LRFN5: variants seen among roughly 807,000 people sequenced by gnomAD.
LRFN5 encodes the protein leucine-rich repeat and fibronectin type-III domain-containing protein 5.
A neutral mutation model predicts 45.6 loss-of-function variants in LRFN5; 24 were observed. The ratio of observed to expected loss-of-function variants is 0.53; its 90% CI spans 0.38 to 0.74. LRFN5 has a LOEUF of 0.74. Among genes scored for constraint, LRFN5 ranks in the 30% least tolerant of loss-of-function variants. The pLI is 0.00. For synonymous variants in LRFN5, 340 were observed against 313.8 expected, an observed-to-expected ratio of 1.08 and a Z score of -0.88; for missense variants, 776 against 861.5, an observed-to-expected ratio of 0.90 and a Z score of 1.24.
chr14:41,666,629 A>G (rs1880912304), intron 1 of LRFN5, among the ~76,000 whole-genome samples: 1 of 152,156 alleles, frequency 6.6e-6, no homozygotes, highest in East Asian at 1.9e-4. Context: ...AACATTTTAT[A>G]CTTGGATTTC....
At chr14:41,657,992 G>T (rs575256583) in intron 1 of LRFN5, among the ~76,000 whole-genome samples, 66 of 151,152 alleles carry the variant, frequency 4.4e-4, no homozygotes, top group Non-Finnish European at 8.4e-4. Flanking sequence ...AAATTCATGT[G>T]TATTCTACCT....
chr14:41,799,691 G>T (rs1432450098), intron 2 of LRFN5, among the ~76,000 whole-genome samples: 1 of 151,862 alleles, frequency 6.6e-6, no homozygotes, highest in Non-Finnish European at 1.5e-5. Flanking sequence ...TTTCTGAATT[G>T]ATTTACTGTC....
chr14:41,815,414 T>C (rs1335769825), intron 2 of LRFN5, among the ~76,000 whole-genome samples: 2 of 152,160 alleles, frequency 1.3e-5, no homozygotes, highest in East Asian at 3.8e-4. Flanking sequence ...TATTTACTTT[T>C]AATCTTCACC....
At chr14:41,726,904 G>T (rs1597048) in intron 1 of LRFN5, among the ~76,000 whole-genome samples, 51,276 of 151,990 alleles carry the variant, frequency 0.34, 8,837 homozygotes, top group South Asian at 0.42. Flanking sequence ...GTAATTGTAT[G>T]TATATATTAA....
intron 1 of LRFN5, among the ~76,000 whole-genome samples, chr14:41,618,512 G>A (rs1344988686): frequency 2.0e-5 from 3 of 152,152 alleles, no homozygotes; most frequent in East Asian, 3.9e-4. Context: ...GGCCAGACAC[G>A]CAGATGAGGC....
At chr14:41,724,254 G>A (rs1420698383) in intron 1 of LRFN5, among the ~76,000 whole-genome samples, 3 of 151,996 alleles carry the variant, frequency 2.0e-5, no homozygotes, top group African/African-American at 7.3e-5. Flanking sequence ...TTTTCAAGTG[G>A]CATGCTAAAA....
chr14:41,699,094 T>C (rs1386084386), intron 1 of LRFN5, among the ~76,000 whole-genome samples: 1 of 152,106 alleles, frequency 6.6e-6, no homozygotes, highest in African/African-American at 2.4e-5. Context: ...AGAATTTTTT[T>C]TCATTTTTAC....
intron 2 of LRFN5, among the ~76,000 whole-genome samples, chr14:41,839,028 T>A (rs1169310880): frequency 6.6e-6 from 1 of 152,174 alleles, no homozygotes; most frequent in Non-Finnish European, 1.5e-5. Context: ...TTCTATTGCT[T>A]CAGGTTACAA....
chr14:41,884,679 C>T (rs1042202096), intron 2 of LRFN5, among the ~76,000 whole-genome samples: 1 of 152,084 alleles, frequency 6.6e-6, no homozygotes, highest in Non-Finnish European at 1.5e-5. Flanking sequence ...TTAACGATCT[C>T]CACCTGGCAG....
chr14:41,607,261 A>G lies in LRFN5; in HGVS notation c.-1498A>G, dbSNP rs1887523189. Among the ~76,000 whole-genome samples, 1 of 152,064 alleles carries G rather than the reference A, an allele frequency of 6.6e-6. No homozygotes were observed. The highest frequency in any genetic ancestry group is 1.5e-5 in the Non-Finnish European group (1 of 68,000). On this transcript the variant is annotated 5_prime_UTR_variant, in exon 1 of 6. Transcript: ENST00000298119. ...ACTTTGGGGAGCTCTGGCTGTGAAC[A>G]CAGCCCACCCATATAATCCATTTTG... is the stretch of plus-strand genomic sequence containing the variant.
chr14:41,890,544 A>T (rs1026185822), intron 3 of LRFN5, among the ~76,000 whole-genome samples: 4 of 151,448 alleles, frequency 2.6e-5, no homozygotes, highest in African/African-American at 9.7e-5. Context: ...CGCCTCTACT[A>T]AAAATACAAA....
chr14:41,895,632 AAG>A (rs1459907237), intron 4 of LRFN5, among the ~76,000 whole-genome samples: 1 of 152,020 alleles, frequency 6.6e-6, no homozygotes, highest in African/African-American at 2.4e-5. Context: ...CTCAAAAGAG[AAG>A]AAAAAAAAAG....
intron 3 of LRFN5, among the ~76,000 whole-genome samples, chr14:41,889,106 A>G (rs1196920086): frequency 3.0e-5 from 2 of 67,162 alleles, no homozygotes; most frequent in African/African-American, 1.1e-4. Flanking sequence ...GTCTATATAT[A>G]TATGTCTCTA....
chr14:41,691,584 A>G (rs1399973219), intron 1 of LRFN5, among the ~76,000 whole-genome samples: 1 of 152,052 alleles, frequency 6.6e-6, no homozygotes, highest in Non-Finnish European at 1.5e-5. Context: ...TACATATACA[A>G]TTTATACGTA....
rs140266385 is a variant in LRFN5, at chr14:41,864,140, C to T, written c.-20-22466C>T. Among the ~76,000 whole-genome samples the T allele has an allele frequency of 2.5e-4, 38 of 152,202 alleles. No individual in the cohort carries two copies. In the East Asian group the frequency reaches 6.8e-3, roughly 27 times the overall value. On this transcript the variant is annotated intron_variant, in intron 2 of 5. Transcript: ENST00000298119. ...TAGTGCTACAATAAACACACATGTG[C>T]GTGTGTCTTTATAGTGGAATGATTT...
chr14:41,822,817 G>T (rs1888160461), intron 2 of LRFN5, among the ~76,000 whole-genome samples: 1 of 148,762 alleles, frequency 6.7e-6, no homozygotes, highest in Non-Finnish European at 1.5e-5. Context: ...TATGAATCCA[G>T]GTGCTCTGGT....
At chr14:41,735,376 C>A (rs1645851291) in intron 1 of LRFN5, among the ~76,000 whole-genome samples, 2 of 151,804 alleles carry the variant, frequency 1.3e-5, no homozygotes, top group Non-Finnish European at 2.9e-5. Context: ...CAAGCAATCT[C>A]CCTACCTCAG....
intron 1 of LRFN5, among the ~76,000 whole-genome samples, chr14:41,610,661 T>TAAAAAAAAAAAAAAGAAAAA: frequency 2.7e-5 from 1 of 37,340 alleles, no homozygotes; most frequent in Non-Finnish European, 6.8e-5. Context: ...CCAGGGAAGG[T>TAAAAAAAAAAAAAAGAAAAA]AAAAAAAAAA....
In LRFN5 at chr14:41,830,422, G is replaced by C; in HGVS notation, c.-20-56184G>C. Among the ~76,000 whole-genome samples the C allele has an allele frequency of 1.3e-5, 2 of 151,958 alleles. 1 individual carries two copies. Among genetic ancestry groups the C allele is most frequent in the Non-Finnish European group, 2.9e-5 (2 of 68,000 alleles). On this transcript the variant is annotated intron_variant, in intron 2 of 5. Coordinates refer to ENST00000298119, the MANE Select transcript of LRFN5 (RefSeq NM_152447.5). Reference sequence around the variant, plus strand: ...AAAATATTTAAAGGGTTTTATTAATGTTTCCCATCAGCTTTATCTTTGATT... The same window carrying C: ...AAAATATTTAAAGGGTTTTATTAATCTTTCCCATCAGCTTTATCTTTGATT...
Sources: allele counts gnomAD v4.1 joint callset (sites outside exome capture counted in the v4.1 genomes callset), GRCh38; gene constraint gnomAD v4.1.1; transcripts MANE v1.5; gene names NCBI Gene and HGNC (gene_info 2026-07-23, HGNC 2026-07-21).